The following RAPGEF5 variants were observed in gnomAD, a reference collection of about 807,000 sequenced individuals.
RAPGEF5 encodes the protein M-Ras-regulated GEF.
A neutral mutation model predicts 125.2 loss-of-function variants in RAPGEF5; 65 were observed. The ratio of observed to expected loss-of-function variants is 0.52; its 90% CI spans 0.43 to 0.64. The LOEUF (loss-of-function observed/expected upper bound fraction) is 0.64, where lower values mean the gene tolerates loss of function less well. RAPGEF5 is among the 30% of genes least tolerant of loss of function. RAPGEF5 has a pLI of 0.00. For synonymous variants in RAPGEF5, 391 were observed against 385.9 expected (o/e 1.01, Z -0.16); for missense variants, 958 against 1,048.1 (o/e 0.91, Z 1.19).
intron 17 of RAPGEF5, among the ~76,000 whole-genome samples, chr7:22,153,758 C>T (rs957321190): frequency 2.0e-5 from 3 of 152,014 alleles, no homozygotes; most frequent in Admixed American, 6.6e-5. Context: ...ATTTTTTTCT[C>T]AGGGTTAAGG....
intron 1 of RAPGEF5, among the ~76,000 whole-genome samples, chr7:22,333,924 G>C (rs6968552): frequency 0.22 from 33,254 of 152,052 alleles, 3,708 homozygotes; most frequent in Admixed American, 0.24. Flanking sequence ...GCTCGTGCTT[G>C]TGCCCCAAGA....
At chr7:22,150,572 A>G (rs200589654) in intron 17 of RAPGEF5, 68 bp from the exon 18 acceptor site, 12 of 1,519,434 alleles carry the variant, frequency 7.9e-6, no homozygotes, top group African/African-American at 1.4e-5. Flanking sequence ...GTAGGCCTAC[A>G]CAGTACACTT....
At chr7:22,356,374 G>A (rs556667080) in intron 1 of RAPGEF5, 3 of 409,482 alleles carry the variant, frequency 7.3e-6, no homozygotes. Context: ...ACCAAAACCA[G>A]TCTCGATGCC....
intron 5 of RAPGEF5, among the ~76,000 whole-genome samples, chr7:22,301,923 C>T (rs1783215318): frequency 6.6e-6 from 1 of 152,152 alleles, no homozygotes; most frequent in African/African-American, 2.4e-5. Context: ...ACACGACTTG[C>T]CAGCTTGTTA....
At chr7:22,122,909 T>C (rs777878687) in intron 25 of RAPGEF5, among the ~76,000 whole-genome samples, 26 of 152,196 alleles carry the variant, frequency 1.7e-4, no homozygotes, top group Non-Finnish European at 3.5e-4. Context: ...GTTACCTGTT[T>C]AAATGGCCAG....
chr7:22,256,236 T>C (rs1486297127), intron 7 of RAPGEF5, among the ~76,000 whole-genome samples: 1 of 152,208 alleles, frequency 6.6e-6, no homozygotes, highest in Non-Finnish European at 1.5e-5. Flanking sequence ...GGACAATCCC[T>C]CGCTGAGACT....
intron 1 of RAPGEF5, among the ~76,000 whole-genome samples, chr7:22,327,091 A>G (rs1450368136): frequency 1.3e-5 from 2 of 152,238 alleles, no homozygotes; most frequent in Non-Finnish European, 2.9e-5. Flanking sequence ...TCAATCTATA[A>G]ATAATCTGGA....
At chr7:22,171,323 AC>A (rs1415580760) in intron 11 of RAPGEF5, among the ~76,000 whole-genome samples, 1 of 152,220 alleles carries the variant, frequency 6.6e-6, no homozygotes, top group Middle Eastern at 3.2e-3. Context: ...ATAATTTAAG[AC>A]AACAGGCAGA....
chr7:22,329,896 C>T (rs756119459), intron 1 of RAPGEF5, among the ~76,000 whole-genome samples: 7 of 152,238 alleles, frequency 4.6e-5, no homozygotes, highest in African/African-American at 7.2e-5. Flanking sequence ...CTGCTCCCGC[C>T]GCTCCCACAC....
intron 11 of RAPGEF5, among the ~76,000 whole-genome samples, chr7:22,170,400 T>C (rs1784313663): frequency 6.6e-6 from 1 of 152,178 alleles, no homozygotes; most frequent in African/African-American, 2.4e-5. Context: ...ATGGCTCTTG[T>C]AGATAGGAGC....
chr7:22,176,007 A>G (rs1196330506), intron 11 of RAPGEF5, among the ~76,000 whole-genome samples: 1 of 152,170 alleles, frequency 6.6e-6, no homozygotes, highest in Non-Finnish European at 1.5e-5. Context: ...AAGACGTACC[A>G]GAGACTGGGT....
intron 1 of RAPGEF5, among the ~76,000 whole-genome samples, chr7:22,346,113 A>C (rs944257053): frequency 2.6e-5 from 4 of 152,120 alleles, no homozygotes; most frequent in African/African-American, 9.7e-5. Context: ...AACACAGAAC[A>C]CTGCTTGGAC....
chr7:22,125,731 G>A (rs1246316152), intron 24 of RAPGEF5, 73 bp from the exon 25 acceptor site: 1 of 1,356,926 alleles, frequency 7.4e-7, no homozygotes, highest in East Asian at 2.3e-5. Context: ...GTGCCTGCTA[G>A]GATGGAAGGA....
chr7:22,319,238 A>G (rs571413798), intron 1 of RAPGEF5, among the ~76,000 whole-genome samples: 13 of 152,286 alleles, frequency 8.5e-5, no homozygotes, highest in South Asian at 6.2e-4. Flanking sequence ...AAGTCTTGCT[A>G]TCTTTTGAGA....
intron 7 of RAPGEF5, among the ~76,000 whole-genome samples, chr7:22,244,779 GAAATTAAAATGA>G (rs1440005381): frequency 6.6e-6 from 1 of 152,178 alleles, no homozygotes; most frequent in African/African-American, 2.4e-5. Flanking sequence ...GACCGCTGCT[GAAATTAAAATGA>G]GAGTGCAGAT....
intron 6 of RAPGEF5, among the ~76,000 whole-genome samples, chr7:22,270,158 A>G (rs1782384495): frequency 6.6e-6 from 1 of 152,218 alleles, no homozygotes; most frequent in South Asian, 2.1e-4. Flanking sequence ...AATGTTAATT[A>G]CCTACAGGTA....
At chr7:22,354,001 T>C (rs959521304) in intron 1 of RAPGEF5, among the ~76,000 whole-genome samples, 2 of 151,826 alleles carry the variant, frequency 1.3e-5, no homozygotes, top group Non-Finnish European at 2.9e-5. Context: ...AGCCAGAAGG[T>C]CGAGGCTATA....
At chr7:22,181,526 C>T (rs575909374) in intron 11 of RAPGEF5, among the ~76,000 whole-genome samples, 1 of 149,678 alleles carries the variant, frequency 6.7e-6, no homozygotes, top group South Asian at 2.1e-4. Context: ...AAATGCCAGA[C>T]AAGAACGCCA....
chr7:22,164,927 C>T (rs1295094304), intron 12 of RAPGEF5, among the ~76,000 whole-genome samples: 1 of 152,108 alleles, frequency 6.6e-6, no homozygotes, highest in Non-Finnish European at 1.5e-5. Flanking sequence ...TTTAAAACCA[C>T]TGGAAAAAAC....
Sources: allele counts gnomAD v4.1 joint callset (sites outside exome capture counted in the v4.1 genomes callset), GRCh38; gene constraint gnomAD v4.1.1; transcripts MANE v1.5; gene names NCBI Gene and HGNC (gene_info 2026-07-23, HGNC 2026-07-21).